RFX3: variants seen among roughly 807,000 people sequenced by gnomAD.
RFX3 encodes regulatory factor X3.
RFX3 carries 14 observed loss-of-function variants against 98.6 expected under a neutral mutation model. The ratio of observed to expected loss-of-function variants is 0.14; its 90% confidence interval spans 0.09 to 0.22. The LOEUF (loss-of-function observed/expected upper bound fraction) is 0.22, where lower values mean the gene tolerates loss of function less well. RFX3 is among the 10% of genes least tolerant of loss of function. RFX3 has a pLI of 1.00. For missense variants in RFX3, 639 were observed against 926.9 expected (o/e 0.69, Z 4.03); for synonymous variants, 383 against 328.4 (o/e 1.17, Z -1.80).
intron 1 of RFX3, among the ~76,000 whole-genome samples, chr9:3,418,482 C>A (rs954956563): frequency 6.6e-6 from 1 of 152,052 alleles, no homozygotes; most frequent in African/African-American, 2.4e-5. Flanking sequence ...TGGGTTCAAG[C>A]AATTCTCCTA....
chr9:3,270,981 T>C, intron 10 of RFX3, 22 bp downstream of exon 10: 1 of 1,613,624 alleles, frequency 6.2e-7, no homozygotes, highest in South Asian at 1.1e-5. Context: ...GAAAATGAAT[T>C]GGAAAAGATG....
intron 4 of RFX3, among the ~76,000 whole-genome samples, chr9:3,324,888 C>T (rs893492947): frequency 2.6e-5 from 4 of 151,934 alleles, no homozygotes; most frequent in Admixed American, 6.6e-5. Flanking sequence ...CGCTTGAACA[C>T]GGGAGGTGGA....
intron 3 of RFX3, 21 bp from the exon 4 acceptor site, chr9:3,330,538 A>G (rs781491620): frequency 3.8e-6 from 6 of 1,580,818 alleles, no homozygotes; most frequent in Non-Finnish European, 5.2e-6. Flanking sequence ...AGAAGAAAAA[A>G]GAAATTTACT....
Position 3,271,697 on chromosome 9 carries a change from C to A in RFX3, c.1087-579G>T, listed in dbSNP as rs935350560. Among the ~76,000 whole-genome samples, 8 of 152,286 alleles carry A rather than the reference C, an allele frequency of 5.3e-5. No homozygotes were observed. In the East Asian group the frequency reaches 1.4e-3, roughly 26 times the overall value. On this transcript the variant is annotated intron_variant, in intron 9 of 16. Coordinates refer to ENST00000617270, the MANE Select transcript of RFX3 (RefSeq NM_001282116.2). ...CAGTCCTCTTTGGGCTAGGTAACCA[C>A]TGGCCATCACAGCAGGTGGAAGTGA...
chr9:3,517,980 T>A (rs1289395036), intron 1 of RFX3, among the ~76,000 whole-genome samples: 1 of 152,178 alleles, frequency 6.6e-6, no homozygotes, highest in Non-Finnish European at 1.5e-5. Context: ...CAACTAAACA[T>A]CTTGACACAA....
At chr9:3,373,947 A>G (rs141376860) in intron 2 of RFX3, among the ~76,000 whole-genome samples, 6,357 of 152,060 alleles carry the variant, frequency 0.042, 447 homozygotes, top group African/African-American at 0.14. Flanking sequence ...GAGTGGTGGC[A>G]TGCGCCTGTA....
At chr9:3,253,562 G>C (rs1386337756) in intron 14 of RFX3, among the ~76,000 whole-genome samples, 1 of 151,044 alleles carries the variant, frequency 6.6e-6, no homozygotes, top group Non-Finnish European at 1.5e-5. Context: ...TTTTTTTTCT[G>C]CCTCCCAGGG....
At chr9:3,474,272 C>A (rs1315224547) in intron 1 of RFX3, among the ~76,000 whole-genome samples, 1 of 152,168 alleles carries the variant, frequency 6.6e-6, no homozygotes, top group East Asian at 1.9e-4. Flanking sequence ...TCTATTTATA[C>A]ATTTTGCACA....
At chr9:3,341,471 T>TA (rs1455146040) in intron 3 of RFX3, among the ~76,000 whole-genome samples, 1 of 152,006 alleles carries the variant, frequency 6.6e-6, no homozygotes, top group Non-Finnish European at 1.5e-5. Flanking sequence ...TAAGGGCAAT[T>TA]GTATTGTAAT....
chr9:3,491,980 A>T (rs1416588464), intron 1 of RFX3, among the ~76,000 whole-genome samples: 1 of 152,158 alleles, frequency 6.6e-6, no homozygotes, highest in East Asian at 1.9e-4. Context: ...CATTGGCCTC[A>T]CCCACAAGAC....
intron 15 of RFX3, among the ~76,000 whole-genome samples, chr9:3,242,274 G>A (rs909310573): frequency 6.6e-6 from 1 of 152,124 alleles, no homozygotes. Flanking sequence ...AATAGGGATT[G>A]GCACAAGGCC....
At position 3,275,408 on chromosome 9, in the gene RFX3, C is replaced by G. The variant is rs979290872; in HGVS notation, c.1086+92G>C. ...CTCAAAAGAATTAGTGCTAAGTTCACCTGTCCTTTAGGAATAAGCTTGATT... is the reference window on the plus strand; with the variant it reads ...CTCAAAAGAATTAGTGCTAAGTTCAGCTGTCCTTTAGGAATAAGCTTGATT... On this transcript the variant is annotated intron_variant, in intron 9 of 16. Transcript: ENST00000617270. 22 of 697,638 alleles carry G rather than the reference C, an allele frequency of 3.2e-5. No homozygotes were observed. The African/African-American group carries it at 3.8e-4, about 12-fold the overall frequency. 43.2% of individuals were successfully genotyped at this position (697,638 alleles called of 1,614,324 possible). A position where few individuals can be genotyped will look rare whatever the true frequency, so the allele number is the denominator to read the frequency against.
At chr9:3,445,627 T>C (rs1845979623) in intron 1 of RFX3, among the ~76,000 whole-genome samples, 1 of 152,178 alleles carries the variant, frequency 6.6e-6, no homozygotes, top group Non-Finnish European at 1.5e-5. Flanking sequence ...ACCCAATTTA[T>C]TTTTTAAAAA....
intron 1 of RFX3, among the ~76,000 whole-genome samples, chr9:3,494,235 G>A (rs1341627157): frequency 6.6e-6 from 1 of 152,060 alleles, no homozygotes; most frequent in African/African-American, 2.4e-5. Context: ...CATAGACTCT[G>A]GTGTTAAATT....
chr9:3,313,977 A>G (rs1376545741), intron 4 of RFX3, among the ~76,000 whole-genome samples: 7 of 152,350 alleles, frequency 4.6e-5, no homozygotes, highest in East Asian at 3.9e-4. Context: ...AACTTCCCCA[A>G]TTGAACGAGG....
chr9:3,280,984 G>C (rs777126962), intron 7 of RFX3, among the ~76,000 whole-genome samples: 8 of 151,580 alleles, frequency 5.3e-5, no homozygotes, highest in Non-Finnish European at 7.4e-5. Flanking sequence ...AAATATATTT[G>C]AATGAATAAA....
At chr9:3,289,407 G>A (rs1827047056) in intron 6 of RFX3, among the ~76,000 whole-genome samples, 1 of 151,996 alleles carries the variant, frequency 6.6e-6, no homozygotes, top group Non-Finnish European at 1.5e-5. Flanking sequence ...GTAAAGAAAG[G>A]TCTTCTACTT....
At chr9:3,341,839 A>C (rs1335576594) in intron 3 of RFX3, among the ~76,000 whole-genome samples, 1 of 152,232 alleles carries the variant, frequency 6.6e-6, no homozygotes, top group Non-Finnish European at 1.5e-5. Flanking sequence ...ATGTGTACAT[A>C]CGTAGAAGCA....
intron 1 of RFX3, among the ~76,000 whole-genome samples, chr9:3,414,746 GTA>G (rs772792507): frequency 0.034 from 704 of 20,712 alleles, 2 homozygotes; most frequent in Middle Eastern, 0.12. Flanking sequence ...GTATATATGA[GTA>G]TATATGAGTA....
Sources: allele counts gnomAD v4.1 joint callset (sites outside exome capture counted in the v4.1 genomes callset), GRCh38; gene constraint gnomAD v4.1.1; transcripts MANE v1.5; gene names NCBI Gene and HGNC (gene_info 2026-07-23, HGNC 2026-07-21).